Variants in SCLT1 observed in about 807,000 individuals in gnomAD.
SCLT1 encodes the protein sodium channel and clathrin linker 1, also known as sodium channel-associated protein 1.
A neutral mutation model predicts 112.8 loss-of-function variants in SCLT1; 78 were observed. The ratio of observed to expected loss-of-function variants is 0.69; its 90% confidence interval spans 0.58 to 0.83. The LOEUF (loss-of-function observed/expected upper bound fraction) is 0.83. Among genes scored for constraint, SCLT1 ranks in the 40% least tolerant of loss-of-function variants. The pLI is 0.00. For missense variants in SCLT1, 747 were observed against 770.4 expected (o/e 0.97, Z 0.36); for synonymous variants, 257 against 254.7 (o/e 1.01, Z -0.09).
intron 5 of SCLT1, among the ~76,000 whole-genome samples, chr4:129,026,675 G>C (rs1746120664): frequency 1.3e-5 from 2 of 152,156 alleles, no homozygotes; most frequent in Non-Finnish European, 2.9e-5. Context: ...TCAAAAGCTA[G>C]CAGAAGGCAA....
chr4:129,085,677 G>A (rs1423656673), intron 1 of SCLT1, among the ~76,000 whole-genome samples: 1 of 152,158 alleles, frequency 6.6e-6, no homozygotes, highest in Non-Finnish European at 1.5e-5. Flanking sequence ...GGAATACTAT[G>A]CAGCCATAAA....
Position 128,936,769 on chromosome 4 carries a change from T to C in SCLT1, c.1715A>G (p.Asn572Ser), listed in dbSNP as rs1408937665. 1 of 1,609,410 alleles carries C rather than the reference T, an allele frequency of 6.2e-7. No individual in the cohort carries two copies. The highest frequency in any genetic ancestry group is 8.5e-7 in the Non-Finnish European group (1 of 1,175,980). ...QLREMEDSNR[N>S]SIVELRHLLA... ...GAGATGCCTCAGTTCAACAATGGAA[T>C]TTCTATTACTGTCTTCCATCTCTCT... Residue 572 changes from asparagine (N) to serine (S), a missense_variant, in exon 18 of 21, where the codon AAT becomes AGT. Asn to Ser is a conservative substitution (Grantham distance 46). Coordinates refer to ENST00000281142, the MANE Select transcript of SCLT1 (RefSeq NM_144643.4).
chr4:129,086,020 A>G (rs901766375), intron 1 of SCLT1, among the ~76,000 whole-genome samples: 1 of 152,356 alleles, frequency 6.6e-6, no homozygotes. Flanking sequence ...TAAATTTTAA[A>G]AAAAGAAAAA....
intron 2 of SCLT1, among the ~76,000 whole-genome samples, chr4:129,076,585 A>C (rs1751481144): frequency 6.6e-6 from 1 of 152,138 alleles, no homozygotes; most frequent in Non-Finnish European, 1.5e-5. Context: ...CAAGAGACCA[A>C]AGCACTAACC....
chr4:128,965,044 T>G (rs1449924267), intron 11 of SCLT1, among the ~76,000 whole-genome samples, 183 bp downstream of exon 11: 1 of 152,232 alleles, frequency 6.6e-6, no homozygotes, highest in East Asian at 1.9e-4. Context: ...ATTCAAAGTA[T>G]AGCAATCTGT....
At chr4:129,065,740 C>A (rs1171381388) in intron 2 of SCLT1, among the ~76,000 whole-genome samples, 1 of 151,946 alleles carries the variant, frequency 6.6e-6, no homozygotes, top group Non-Finnish European at 1.5e-5. Flanking sequence ...GCTCAAAGCA[C>A]CAATATCCTG....
At position 129,003,836 on chromosome 4, in the gene SCLT1, C is replaced by T; in HGVS notation, c.331G>A (p.Glu111Lys). 6.2e-7 allele frequency: 1 copy of T among 1,612,068 alleles called. No individual in the cohort carries two copies. Among genetic ancestry groups the T allele is most frequent in the Non-Finnish European group, 8.5e-7 (1 of 1,178,840 alleles). Residue 111 changes from glutamate (E) to lysine (K), a missense_variant, in exon 6 of 21, where the codon GAG becomes AAG. Glu to Lys is a moderately conservative substitution (Grantham distance 56). Coordinates refer to ENST00000281142, the MANE Select transcript of SCLT1 (RefSeq NM_144643.4). The part of the protein sequence containing the change: ...ELKDAVEKKL[E>K]AFPLGTEVGT... ...ACCTCTGTGCCCAGGGGAAAGGCCT[C>T]CAATTTTTTTTCAACAGCATCTTTT...
intron 9 of SCLT1, among the ~76,000 whole-genome samples, chr4:128,991,402 ACATTCATCTGGGTAAAGATTTCT>A (rs2126067969): frequency 6.6e-6 from 1 of 152,012 alleles, no homozygotes; most frequent in South Asian, 2.1e-4. Flanking sequence ...AACACTCCAG[ACATTCATCTGGGTAAAGATTTCT>A]TGAGGAGGAC....
chr4:128,906,842 C>A (rs374327358), intron 18 of SCLT1, among the ~76,000 whole-genome samples: 1 of 152,010 alleles, frequency 6.6e-6, no homozygotes, highest in South Asian at 2.1e-4. Context: ...ACTTATGAAC[C>A]ACTAGAAATA....
At chr4:129,003,262 C>A (rs1044919338) in intron 6 of SCLT1, among the ~76,000 whole-genome samples, 1 of 151,800 alleles carries the variant, frequency 6.6e-6, no homozygotes, top group Non-Finnish European at 1.5e-5. Context: ...GGGAGGGGAA[C>A]ATCACACACC....
At chr4:128,999,191 T>C (rs1415552371) in intron 7 of SCLT1, among the ~76,000 whole-genome samples, 1 of 152,042 alleles carries the variant, frequency 6.6e-6, no homozygotes, top group East Asian at 1.9e-4. Context: ...TGTAAAATTC[T>C]ATTCTGATTA....
chr4:129,036,648 T>C (rs1225080265), intron 5 of SCLT1: 1 of 151,928 alleles, frequency 6.6e-6, no homozygotes, highest in African/African-American at 2.4e-5. Context: ...ACAGCTTAAA[T>C]ATATGAAGTT....
intron 2 of SCLT1, among the ~76,000 whole-genome samples, chr4:129,081,700 A>C (rs1751953540): frequency 6.6e-6 from 1 of 152,188 alleles, no homozygotes. Flanking sequence ...TGGAGATTAC[A>C]ATTCCACATG....
chr4:128,957,205 C>T lies in SCLT1; in HGVS notation c.1048-81G>A, dbSNP rs756267639. 4 of 719,900 alleles carry T rather than the reference C, an allele frequency of 5.6e-6. No individual in the cohort carries two copies. The Middle Eastern group carries it at 1.0e-3, about 179-fold the overall frequency. 44.6% of individuals were successfully genotyped at this position (719,900 alleles called of 1,614,324 possible). A position where few individuals can be genotyped will look rare whatever the true frequency, so the allele number is the denominator to read the frequency against. Reference sequence around the variant, plus strand: ...AACAGGTGAAAACCTATCCACTAGTCACTTCCTTATTCAAAACTTCTGGGA... The same window carrying T: ...AACAGGTGAAAACCTATCCACTAGTTACTTCCTTATTCAAAACTTCTGGGA... On this transcript the variant is annotated intron_variant, in intron 12 of 20. Transcript: ENST00000281142.
At chr4:128,898,772 G>A (rs13113810) in intron 18 of SCLT1, among the ~76,000 whole-genome samples, 28,540 of 151,910 alleles carry the variant, frequency 0.19, 3,064 homozygotes, top group Middle Eastern at 0.35. Flanking sequence ...TTGATAGACC[G>A]CTAGCAAGAC....
At chr4:128,881,640 CA>C (rs1560796011), downstream of SCLT1, among the ~76,000 whole-genome samples, 1 of 152,136 alleles carries the variant, frequency 6.6e-6, no homozygotes, top group Non-Finnish European at 1.5e-5. Flanking sequence ...GTGTTGTCCT[CA>C]ATTGCAGATC....
chr4:128,939,043 A>G (rs1167131226), intron 17 of SCLT1, among the ~76,000 whole-genome samples: 1 of 152,198 alleles, frequency 6.6e-6, no homozygotes, highest in Non-Finnish European at 1.5e-5. Context: ...GCATCTGTAC[A>G]GTTTTAGAAT....
At chr4:129,044,666 G>A (rs2125700813) in intron 2 of SCLT1, among the ~76,000 whole-genome samples, 1 of 151,980 alleles carries the variant, frequency 6.6e-6, no homozygotes, top group Non-Finnish European at 1.5e-5. Context: ...TAATGTATGT[G>A]TGGAATGGTC....
intron 1 of SCLT1, among the ~76,000 whole-genome samples, chr4:129,086,906 T>C (rs574300645): frequency 2.6e-5 from 4 of 152,056 alleles, no homozygotes; most frequent in Non-Finnish European, 5.9e-5. Context: ...CAAGAAGAAA[T>C]AACATGGACC....
Sources: allele counts gnomAD v4.1 joint callset (sites outside exome capture counted in the v4.1 genomes callset), GRCh38; gene constraint gnomAD v4.1.1; transcripts MANE v1.5; gene names NCBI Gene and HGNC (gene_info 2026-07-23, HGNC 2026-07-21).